Variants in NOX4 observed in about 807,000 individuals in gnomAD.
The protein encoded by NOX4 is NADPH oxidase 4, also known as kidney oxidase-1.
NOX4 carries 69 observed loss-of-function variants against 87.6 expected under a neutral mutation model. The observed-to-expected ratio is 0.79, with a 90% CI of 0.65 to 0.96. The LOEUF (loss-of-function observed/expected upper bound fraction) is 0.96, where lower values mean the gene tolerates loss of function less well. NOX4 is among the 40% of genes least tolerant of loss of function. NOX4 has a pLI of 0.00. For missense variants in NOX4, 680 were observed against 681.5 expected, an observed-to-expected ratio of 1.00 and a Z score of 0.02; for synonymous variants, 275 against 238.2, an observed-to-expected ratio of 1.15 and a Z score of -1.42.
Position 89,325,809 on chromosome 11 carries a change from A to G in NOX4, c.*947T>C, listed in dbSNP as rs1945196315. The G allele has an allele frequency of 1.3e-5, 2 of 151,010 alleles. No homozygotes were observed. The highest frequency in any genetic ancestry group is 2.9e-5 in the Non-Finnish European group (2 of 67,832). 9.4% of individuals were successfully genotyped at this position (151,010 alleles called of 1,614,324 possible). A position where few individuals can be genotyped will look rare whatever the true frequency, so the allele number is the denominator to read the frequency against. On this transcript the variant is annotated 3_prime_UTR_variant, in exon 18 of 18. Coordinates refer to ENST00000263317, the MANE Select transcript of NOX4 (RefSeq NM_016931.5). The stretch of plus-strand genomic sequence containing the variant: ...CCTTAGAGGCTACAGCCTAAGACAA[A>G]CCCTACCTGGGAAAAAAACAATAAT...
the NOX4 span, among the ~76,000 whole-genome samples, chr11:89,576,342 C>T: frequency 6.6e-6 from 1 of 152,262 alleles, no homozygotes; most frequent in East Asian, 1.9e-4. Flanking sequence ...ATAGCCCTCT[C>T]TTTTTTCTGG....
At chr11:89,483,599 T>C (rs1038084883) in intron 2 of NOX4, among the ~76,000 whole-genome samples, 2 of 118,864 alleles carry the variant, frequency 1.7e-5, no homozygotes, top group South Asian at 5.7e-4. Flanking sequence ...TACCAGGTGC[T>C]GGTGGGGGTG....
the NOX4 span, among the ~76,000 whole-genome samples, chr11:89,508,133 C>T: frequency 6.6e-6 from 1 of 151,984 alleles, no homozygotes; most frequent in Non-Finnish European, 1.5e-5. Context: ...TCTTGTAACC[C>T]TCCAAGATAC....
chr11:89,332,205 G>A (rs1264197829), intron 17 of NOX4, among the ~76,000 whole-genome samples: 1 of 129,638 alleles, frequency 7.7e-6, no homozygotes. Context: ...ACAGATCCAG[G>A]AGAAGTCACT....
At chr11:89,337,980 C>T (rs559410722) in intron 15 of NOX4, among the ~76,000 whole-genome samples, 9 of 152,022 alleles carry the variant, frequency 5.9e-5, no homozygotes, top group Middle Eastern at 3.4e-3. Context: ...TCCTTCCTTC[C>T]GCTTATTCAA....
At chr11:89,381,922 T>C (rs761092204) in intron 11 of NOX4, among the ~76,000 whole-genome samples, 4 of 152,176 alleles carry the variant, frequency 2.6e-5, no homozygotes, top group Non-Finnish European at 5.9e-5. Flanking sequence ...TCTCTTAATT[T>C]CTGTTCCTTT....
At chr11:89,333,904 A>C (rs1472026193) in intron 17 of NOX4, among the ~76,000 whole-genome samples, 1 of 151,820 alleles carries the variant, frequency 6.6e-6, no homozygotes, top group Admixed American at 6.6e-5. Context: ...CAGATGGTGC[A>C]CATTTGCTCT....
At chr11:89,403,505 T>G (rs1941992343) in intron 8 of NOX4, among the ~76,000 whole-genome samples, 1 of 152,148 alleles carries the variant, frequency 6.6e-6, no homozygotes, top group Non-Finnish European at 1.5e-5. Context: ...AATACTTAAT[T>G]TTAGTAGTTT....
chr11:89,381,860 C>A (rs1940314321), intron 11 of NOX4, among the ~76,000 whole-genome samples: 1 of 152,144 alleles, frequency 6.6e-6, no homozygotes, highest in African/African-American at 2.4e-5. Context: ...CTCTCACTAT[C>A]CTTCAACCTC....
chr11:89,424,116 T>C (rs1022233463), intron 7 of NOX4, among the ~76,000 whole-genome samples: 1 of 151,778 alleles, frequency 6.6e-6, no homozygotes, highest in Non-Finnish European at 1.5e-5. Context: ...TATATCTTTA[T>C]AGTACACAGT....
chr11:89,408,736 T>A (rs1942318088), intron 8 of NOX4, among the ~76,000 whole-genome samples: 1 of 152,154 alleles, frequency 6.6e-6, no homozygotes, highest in African/African-American at 2.4e-5. Context: ...AGGAATAACA[T>A]CATGTGTTTG....
At chr11:89,517,263 A>C in the NOX4 span, among the ~76,000 whole-genome samples, 1 of 152,080 alleles carries the variant, frequency 6.6e-6, no homozygotes, top group East Asian at 1.9e-4. Flanking sequence ...ATTAAAAGTA[A>C]TGTAAAATGT....
Position 89,428,220 on chromosome 11 carries a change from C to T in NOX4, c.548+4564G>A, listed in dbSNP as rs376479578. On this transcript the variant is annotated intron_variant, in intron 7 of 17. Transcript: ENST00000263317. ...CCCCTAAAAGAGCTCCTGAAGGAAGCACTAAACATGGAAAGGAACAACCGG... is the reference window on the plus strand; with the variant it reads ...CCCCTAAAAGAGCTCCTGAAGGAAGTACTAAACATGGAAAGGAACAACCGG... Among the ~76,000 whole-genome samples, 5 of 152,090 alleles carry T rather than the reference C, an allele frequency of 3.3e-5. No homozygotes were observed. In the East Asian group the frequency reaches 9.6e-4, roughly 29 times the overall value.
chr11:89,411,670 T>TA (rs1355371757), intron 8 of NOX4, among the ~76,000 whole-genome samples: 3 of 150,830 alleles, frequency 2.0e-5, no homozygotes, highest in Non-Finnish European at 4.4e-5. Context: ...AACAGATACA[T>TA]AAAAAATAGA....
At chr11:89,437,404 T>C (rs1944132603) in intron 6 of NOX4, among the ~76,000 whole-genome samples, 1 of 152,098 alleles carries the variant, frequency 6.6e-6, no homozygotes, top group African/African-American at 2.4e-5. Context: ...TTACCATCCT[T>C]AGACTCTACT....
At chr11:89,549,965 G>A in the NOX4 span, among the ~76,000 whole-genome samples, 1 of 152,162 alleles carries the variant, frequency 6.6e-6, no homozygotes, top group Non-Finnish European at 1.5e-5. Context: ...ACATATGTGT[G>A]TATGTGTCTT....
intron 2 of NOX4, among the ~76,000 whole-genome samples, chr11:89,456,225 A>C (rs985419264): frequency 3.9e-5 from 6 of 152,192 alleles, no homozygotes; most frequent in Admixed American, 6.5e-5. Flanking sequence ...AAAATTGTTT[A>C]AGAAGGTAAA....
At chr11:89,365,207 G>A (rs192574640) in intron 12 of NOX4, among the ~76,000 whole-genome samples, 5 of 152,134 alleles carry the variant, frequency 3.3e-5, no homozygotes, top group African/African-American at 1.2e-4. Flanking sequence ...ATATTTAATG[G>A]ATCCTTTTAT....
the NOX4 span, among the ~76,000 whole-genome samples, chr11:89,507,945 A>T: frequency 6.6e-6 from 1 of 151,946 alleles, no homozygotes; most frequent in Admixed American, 6.6e-5. Context: ...ATAGCCAAAT[A>T]CTCTCTCAGC....
Sources: gnomAD v4.1 joint callset for allele counts (sites outside exome capture counted in the v4.1 genomes callset) on GRCh38, gnomAD v4.1.1 for gene constraint, MANE v1.5 for transcripts, NCBI Gene and HGNC (gene_info 2026-07-23, HGNC 2026-07-21) for gene names.